The following CCDC73 variants were observed in gnomAD, a reference collection of about 807,000 sequenced individuals.
CCDC73 encodes coiled-coil domain-containing protein 73.
CCDC73 carries 95 observed loss-of-function variants against 116.5 expected under a neutral mutation model. That is an observed-to-expected ratio of 0.82 (90% CI 0.69 to 0.97). CCDC73 has a LOEUF of 0.97. Ranked by LOEUF, CCDC73 falls within the 50% of genes least tolerant of loss-of-function variation. CCDC73 has a pLI of 0.00. For synonymous variants in CCDC73, 398 were observed against 401.3 expected, an observed-to-expected ratio of 0.99 and a Z score of 0.10; for missense variants, 1,066 against 1,206.8, an observed-to-expected ratio of 0.88 and a Z score of 1.73.
intron 1 of CCDC73, among the ~76,000 whole-genome samples, chr11:32,765,170 C>T (rs894176605): frequency 4.6e-5 from 7 of 152,172 alleles, no homozygotes; most frequent in African/African-American, 1.7e-4. Flanking sequence ...TAATGGGAGA[C>T]TTTAACACCC....
At chr11:32,650,427 C>A (rs1278675611) in intron 12 of CCDC73, among the ~76,000 whole-genome samples, 1 of 152,092 alleles carries the variant, frequency 6.6e-6, no homozygotes, top group Non-Finnish European at 1.5e-5. Context: ...TATGTTTCAG[C>A]TCATTTATTT....
At chr11:32,731,634 G>C (rs1427567765) in intron 2 of CCDC73, among the ~76,000 whole-genome samples, 1 of 152,094 alleles carries the variant, frequency 6.6e-6, no homozygotes. Flanking sequence ...GCCTCTGCTG[G>C]TGATACCCAG....
At chr11:32,795,043 T>TA (rs926842685), upstream of CCDC73, among the ~76,000 whole-genome samples, 4 of 151,974 alleles carry the variant, frequency 2.6e-5, no homozygotes, top group Non-Finnish European at 5.9e-5. Context: ...GAAAAATGAG[T>TA]AAGTATTACC....
chr11:32,730,437 G>A (rs1850065200), intron 2 of CCDC73, among the ~76,000 whole-genome samples: 1 of 152,172 alleles, frequency 6.6e-6, no homozygotes, highest in Non-Finnish European at 1.5e-5. Flanking sequence ...GCTGGGAATA[G>A]AATTCTAGGT....
intron 12 of CCDC73, 91 bp from the exon 13 acceptor site, chr11:32,642,173 T>C: frequency 2.3e-6 from 3 of 1,291,446 alleles, no homozygotes; most frequent in South Asian, 2.7e-5. Flanking sequence ...GCTTCTAACA[T>C]GCTGAAAGTG....
intron 13 of CCDC73, 31 bp downstream of exon 13, chr11:32,641,941 A>C: frequency 7.5e-7 from 1 of 1,341,464 alleles, no homozygotes; most frequent in Non-Finnish European, 9.7e-7. Flanking sequence ...TATTTAAAAT[A>C]TTTTAATATT....
chr11:32,726,092 T>C (rs988978023), intron 2 of CCDC73, among the ~76,000 whole-genome samples: 1 of 152,174 alleles, frequency 6.6e-6, no homozygotes, highest in African/African-American at 2.4e-5. Flanking sequence ...AGTAAATCTC[T>C]CTAAAGAAAG....
At chr11:32,793,567 A>G (rs1247190401) in intron 1 of CCDC73, among the ~76,000 whole-genome samples, 5 of 152,166 alleles carry the variant, frequency 3.3e-5, no homozygotes, top group African/African-American at 1.2e-4. Flanking sequence ...TTTCAGCAGC[A>G]AAGTGAAGTG....
intron 2 of CCDC73, among the ~76,000 whole-genome samples, chr11:32,739,100 T>C (rs1224294485): frequency 6.6e-6 from 1 of 152,182 alleles, no homozygotes; most frequent in Admixed American, 6.5e-5. Flanking sequence ...ACCATAGTTC[T>C]GTAGTATAAT....
At chr11:32,764,175 C>T (rs938267241) in intron 1 of CCDC73, among the ~76,000 whole-genome samples, 1 of 152,050 alleles carries the variant, frequency 6.6e-6, no homozygotes, top group African/African-American at 2.4e-5. Flanking sequence ...TGGAACCAAG[C>T]TGGAAAACAC....
chr11:32,768,890 T>G (rs550100769), intron 1 of CCDC73, among the ~76,000 whole-genome samples: 2 of 151,976 alleles, frequency 1.3e-5, no homozygotes, highest in African/African-American at 2.4e-5. Context: ...GACAAACACA[T>G]AGAGAAATCT....
intron 2 of CCDC73, among the ~76,000 whole-genome samples, chr11:32,756,606 C>A (rs1165879642): frequency 6.6e-6 from 1 of 150,876 alleles, no homozygotes; most frequent in Non-Finnish European, 1.5e-5. Context: ...TTAGTCATTA[C>A]CCTTAAAATT....
chr11:32,628,052 G>A (rs1311146119), intron 14 of CCDC73, among the ~76,000 whole-genome samples: 1 of 152,160 alleles, frequency 6.6e-6, no homozygotes, highest in Admixed American at 6.6e-5. Flanking sequence ...TATATTGTAT[G>A]ATCTTTAAAA....
At chr11:32,684,995 T>C (rs887777916) in intron 6 of CCDC73, among the ~76,000 whole-genome samples, 28 of 151,920 alleles carry the variant, frequency 1.8e-4, no homozygotes, top group Non-Finnish European at 3.4e-4. Context: ...AATATATATA[T>C]ATAGTGGCTG....
chr11:32,654,159 GTTTT>G, intron 10 of CCDC73, 122 bp from the exon 11 acceptor site: 1 of 861,666 alleles, frequency 1.2e-6, no homozygotes, highest in African/African-American at 1.7e-5. Context: ...ACCCACATTT[GTTTT>G]TTTGTTTGTT....
Position 32,613,985 on chromosome 11 carries a change from T to C in CCDC73, c.2333A>G (p.His778Arg). ...ENTNVNISHL[H>R]LNNENSHASQ... ...AGCATGACTATTCTCATTGTTAAGA[T>C]GAAGATGGGAAATGTTCACATTAGT... The change falls in exon 16 of 18, where the codon CAT (histidine) becomes CGT (arginine). Residue 778 changes from histidine to arginine, a missense_variant. Coordinates refer to ENST00000335185, the MANE Select transcript of CCDC73 (RefSeq NM_001008391.4). 6.2e-7 allele frequency: 1 copy of C among 1,611,092 alleles called. No individual in the cohort carries two copies. The highest frequency in any genetic ancestry group is 8.5e-7 in the Non-Finnish European group (1 of 1,179,844).
At chr11:32,746,836 C>G (rs1313767082) in intron 2 of CCDC73, among the ~76,000 whole-genome samples, 1 of 152,092 alleles carries the variant, frequency 6.6e-6, no homozygotes. Context: ...TCTAACTTTT[C>G]AAGGTTTTTT....
At chr11:32,750,124 C>A (rs1448702755) in intron 2 of CCDC73, among the ~76,000 whole-genome samples, 4 of 152,222 alleles carry the variant, frequency 2.6e-5, no homozygotes, top group Admixed American at 2.6e-4. Context: ...CCTGCCTCAG[C>A]CTCCCAAAAT....
intron 13 of CCDC73, among the ~76,000 whole-genome samples, chr11:32,641,468 C>G (rs1017992962): frequency 5.1e-4 from 78 of 151,788 alleles, no homozygotes; most frequent in Non-Finnish European, 1.0e-3. Context: ...ATACAACAAC[C>G]CTTATGATAT....
Sources: allele counts gnomAD v4.1 joint callset (sites outside exome capture counted in the v4.1 genomes callset), GRCh38; gene constraint gnomAD v4.1.1; transcripts MANE v1.5; gene names NCBI Gene and HGNC (gene_info 2026-07-23, HGNC 2026-07-21).